The following MPP2 variants were observed in gnomAD, a reference collection of about 807,000 sequenced individuals.
MPP2 encodes the protein MAGUK p55 subfamily member 2.
In MPP2, 42 loss-of-function variants were observed where a neutral mutation model predicts 58.5. The observed-to-expected ratio is 0.72, with a 90% CI of 0.56 to 0.93. The LOEUF is 0.93. MPP2 is among the 40% of genes least tolerant of loss of function. The pLI, the probability that MPP2 is intolerant of heterozygous loss-of-function variation, is 0.00. For missense variants in MPP2, 632 were observed against 760.4 expected (o/e 0.83, Z 1.99); for synonymous variants, 300 against 307.8 (o/e 0.97, Z 0.26).
In MPP2 at chr17:43,880,466, C is replaced by T. The variant is rs552912657; in HGVS notation, c.1150+225G>A. ...AGTGAAACAAGAGAAGGAAAGTGGA[C>T]GCCAGCCCAGCCCGCTAGGCCACCT... On this transcript the variant is annotated intron_variant, in intron 10 of 12. Coordinates refer to ENST00000269095, the MANE Select transcript of MPP2 (RefSeq NM_005374.5). This position sits in a 1 kb window ranked among gnomAD's most constrained non-coding sequence, Gnocchi z 5.2. 3.3e-5 allele frequency among the ~76,000 whole-genome samples: 5 copies of T among 152,330 alleles called. No individual in the cohort carries two copies. Among genetic ancestry groups the T allele is most frequent in the Non-Finnish European group, 5.9e-5 (4 of 68,034 alleles).
At position 43,880,976 on chromosome 17, in the gene MPP2, G is replaced by A; in HGVS notation, c.988+114C>T. Reference sequence around the variant, plus strand: ...CAGGGGGGAGTCGGGCAGGGCCTAGGGACACGGCTGGCAGCATCTGAGCCA... The same window carrying A: ...CAGGGGGGAGTCGGGCAGGGCCTAGAGACACGGCTGGCAGCATCTGAGCCA... On this transcript the variant is annotated intron_variant, in intron 9 of 12. Coordinates refer to ENST00000269095, the MANE Select transcript of MPP2 (RefSeq NM_005374.5). This position sits in a 1 kb window ranked among gnomAD's most constrained non-coding sequence, Gnocchi z 5.2. 1 of 1,522,608 alleles carries A rather than the reference G, an allele frequency of 6.6e-7. No homozygotes were observed. The highest frequency in any genetic ancestry group is 9.0e-7 in the Non-Finnish European group (1 of 1,108,490). 94.3% of individuals were successfully genotyped at this position (1,522,608 alleles called of 1,614,324 possible).
intron 6 of MPP2, among the ~76,000 whole-genome samples, chr17:43,881,994 C>T (rs942009302): frequency 1.3e-5 from 2 of 152,340 alleles, no homozygotes; most frequent in South Asian, 2.1e-4. Context: ...CCCCACCCTG[C>T]GCACGCGCAC....
intron 1 of MPP2, chr17:43,906,049 C>T (rs72836582): frequency 0.12 from 109,753 of 954,022 alleles, 6,621 homozygotes; most frequent in Middle Eastern, 0.13. Context: ...GAGGAGGGAT[C>T]CCTTCCCTCC....
chr17:43,897,913 T>G (rs1471123151), intron 3 of MPP2, among the ~76,000 whole-genome samples: 1 of 152,208 alleles, frequency 6.6e-6, no homozygotes, highest in African/African-American at 2.4e-5. Context: ...ACATGGCAGG[T>G]GACCTTAGAA....
intron 3 of MPP2, chr17:43,884,297 GT>G (rs1382731891): frequency 3.5e-6 from 2 of 575,596 alleles, no homozygotes; most frequent in Admixed American, 3.1e-5. Context: ...GTTGTAGTTG[GT>G]TGACATATCT....
In MPP2 at chr17:43,881,811, C is replaced by T. The variant is rs74591328; in HGVS notation, c.682-222G>A. 1.9e-3 allele frequency among the ~76,000 whole-genome samples: 287 copies of T among 152,232 alleles called. 2 individuals carry two copies. In the East Asian group the frequency reaches 0.039, roughly 21 times the overall value. ...TCTCAGGACCAAGGATGCGGGACCA[C>T]CAAGTAGGGCACAGGACCCTGGCAC... On this transcript the variant is annotated intron_variant, in intron 6 of 12. Transcript: ENST00000269095.
chr17:43,882,425 A>G lies in MPP2; in HGVS notation c.540T>C (p.His180=), dbSNP rs748189497. The change falls in exon 6 of 13, where the codon CAT becomes CAC. Residue 180 remains histidine, a synonymous_variant. Transcript: ENST00000269095. ...TCACCTCCTTGATGATGTCACCCAC[A>G]TGCAGCAGGCCTTGTTGAGCCACCA... ...GGMVAQQGLL[H]VGDIIKEVNG... 3.5e-5 allele frequency: 57 copies of G among 1,610,628 alleles called. No individual in the cohort carries two copies. Among genetic ancestry groups the G allele is most frequent in the Non-Finnish European group, 4.5e-5 (53 of 1,179,954 alleles).
upstream of MPP2, chr17:43,907,864 T>C: frequency 2.0e-6 from 2 of 985,412 alleles, no homozygotes; most frequent in Non-Finnish European, 2.4e-6. Context: ...CGCCCACCCA[T>C]CTTGGCTTAG....
At chr17:43,909,677 T>A, upstream of MPP2, 2 of 1,238,218 alleles carry the variant, frequency 1.6e-6, no homozygotes, top group Non-Finnish European at 2.1e-6. Context: ...CATTCGTCGG[T>A]CAACAAGTAT....
chr17:43,900,626 GC>G (rs2048055161), intron 2 of MPP2: 19 of 1,462,048 alleles, frequency 1.3e-5, no homozygotes, highest in Non-Finnish European at 1.7e-5. Context: ...CCAAAGCCTG[GC>G]CGGGCTGGGG....
intron 5 of MPP2, 70 bp downstream of exon 5, chr17:43,882,833 G>A (rs1263198245): frequency 1.4e-5 from 23 of 1,591,778 alleles, no homozygotes; most frequent in Admixed American, 1.3e-4. Flanking sequence ...GGCCTTTTTT[G>A]TCCGTTCATT....
At chr17:43,900,497 G>A in intron 2 of MPP2, 3 of 1,548,596 alleles carry the variant, frequency 1.9e-6, no homozygotes, top group Middle Eastern at 1.7e-4. Context: ...CGCTTCCTCA[G>A]AAGACTCCAG....
At chr17:43,903,465 G>A (rs532882716) in intron 2 of MPP2, among the ~76,000 whole-genome samples, 10 of 152,110 alleles carry the variant, frequency 6.6e-5, no homozygotes, top group South Asian at 4.1e-4. Context: ...AGGTCGAGGC[G>A]GGTGGAGTAC....
At chr17:43,899,687 G>T (rs1289794740) in intron 2 of MPP2, among the ~76,000 whole-genome samples, 7 of 152,104 alleles carry the variant, frequency 4.6e-5, no homozygotes, top group Non-Finnish European at 5.9e-5. Flanking sequence ...AAAGGCTGAG[G>T]TCACACCAAG....
At chr17:43,886,086 C>T (rs1053980407) in intron 3 of MPP2, among the ~76,000 whole-genome samples, 4 of 150,678 alleles carry the variant, frequency 2.7e-5, no homozygotes, top group Non-Finnish European at 5.9e-5. Context: ...CCAGCCTGGG[C>T]AACAGAGCAA....
At chr17:43,887,177 C>A (rs2047404878) in intron 3 of MPP2, among the ~76,000 whole-genome samples, 2 of 151,672 alleles carry the variant, frequency 1.3e-5, no homozygotes, top group Admixed American at 6.6e-5. Flanking sequence ...AGATGGGAAG[C>A]CCCTGTTGCT....
Position 43,907,514 on chromosome 17 carries a change from C to T in MPP2, c.-74G>A, listed in dbSNP as rs1371876028. 3.0e-6 allele frequency: 3 copies of T among 985,416 alleles called. No homozygotes were observed. The highest frequency in any genetic ancestry group is 6.1e-5 in the Admixed American group (1 of 16,274). The allele number at this position is 985,416 out of a possible 1,614,324, so 61.0% of individuals were successfully genotyped here. On this transcript the variant is annotated 5_prime_UTR_variant, in exon 1 of 13. Coordinates refer to ENST00000269095, the MANE Select transcript of MPP2 (RefSeq NM_005374.5). ...CCCCTAGCTCCGGGCGGCTCCAGCG[C>T]AGCCGGGCGCTCAGCGTTTATTGCT...
At chr17:43,896,976 C>T (rs915688266) in intron 3 of MPP2, among the ~76,000 whole-genome samples, 2 of 152,138 alleles carry the variant, frequency 1.3e-5, no homozygotes, top group African/African-American at 4.8e-5. Context: ...TCCCAGGTGC[C>T]TTACTGTACC....
Position 43,893,033 on chromosome 17 carries a change from T to C in MPP2, c.150+5229A>G, listed in dbSNP as rs1036516267. 4.0e-5 allele frequency among the ~76,000 whole-genome samples: 5 copies of C among 124,664 alleles called. No individual in the cohort carries two copies. In the Admixed American group the frequency reaches 4.2e-4, roughly 10 times the overall value. The allele number at this position is 124,664 out of a possible 152,430, so 81.8% of individuals were successfully genotyped here. A position where few individuals can be genotyped will look rare whatever the true frequency, so the allele number is the denominator to read the frequency against. ...ATGGATGGATGGATGGATGGATGGA[T>C]GGACAAATGAGTGAATGACATAGCC... On this transcript the variant is annotated intron_variant, in intron 3 of 12. Coordinates refer to ENST00000269095, the MANE Select transcript of MPP2 (RefSeq NM_005374.5).
Sources: allele counts gnomAD v4.1 joint callset (sites outside exome capture counted in the v4.1 genomes callset), GRCh38; gene constraint gnomAD v4.1.1; non-coding constraint Gnocchi (gnomAD v3.1); transcripts MANE v1.5; gene names NCBI Gene and HGNC (gene_info 2026-07-23, HGNC 2026-07-21).